TNFRSF11A: variants seen among roughly 807,000 people sequenced by gnomAD.
The protein encoded by TNFRSF11A is TNF receptor superfamily member 11a, also known as tumor necrosis factor receptor superfamily member 11A.
TNFRSF11A carries 32 observed loss-of-function variants against 55.7 expected under a neutral mutation model. The observed-to-expected ratio is 0.57, with a 90% CI of 0.43 to 0.77. TNFRSF11A has a LOEUF of 0.77. TNFRSF11A is among the 30% of genes least tolerant of loss of function. The pLI, the probability that TNFRSF11A is intolerant of heterozygous loss-of-function variation, is 0.00. For missense variants in TNFRSF11A, 753 were observed against 809.8 expected (o/e 0.93, Z 0.85); for synonymous variants, 311 against 331.0 (o/e 0.94, Z 0.65).
intron 3 of TNFRSF11A, 129 bp downstream of exon 3, chr18:62,350,066 A>C: frequency 7.8e-7 from 1 of 1,286,584 alleles, no homozygotes; most frequent in Non-Finnish European, 1.1e-6. Context: ...GTGACTACAC[A>C]TCCCAAGAAA....
chr18:62,348,366 A>G, intron 2 of TNFRSF11A, 117 bp downstream of exon 2: 1 of 843,260 alleles, frequency 1.2e-6, no homozygotes, highest in Non-Finnish European at 2.0e-6. Context: ...TGGTAGTGGC[A>G]GGTGGTAATG....
intron 1 of TNFRSF11A, among the ~76,000 whole-genome samples, chr18:62,333,389 G>A (rs867302263): frequency 3.3e-5 from 5 of 152,178 alleles, no homozygotes; most frequent in African/African-American, 1.2e-4. Context: ...TCTGACACAT[G>A]CTCAAGTTTG....
At chr18:62,335,125 C>T (rs79882996) in intron 1 of TNFRSF11A, among the ~76,000 whole-genome samples, 20,829 of 97,660 alleles carry the variant, frequency 0.21, 2,154 homozygotes, top group Middle Eastern at 0.35. Context: ...CCACTGGGGT[C>T]GGAATTTTTT....
chr18:62,370,835 CTT>C (rs10539841), intron 9 of TNFRSF11A, among the ~76,000 whole-genome samples: 43,589 of 142,828 alleles, frequency 0.31, 6,710 homozygotes, highest in Non-Finnish European at 0.34. Context: ...CTTTTCTTTT[CTT>C]TTTTTTTTTT....
Position 62,384,779 on chromosome 18 carries a change from G to A in TNFRSF11A, c.1596G>A (p.Thr532=), listed in dbSNP as rs773790927. 2.5e-6 allele frequency: 4 copies of A among 1,612,566 alleles called. No homozygotes were observed. The highest frequency in any genetic ancestry group is 1.7e-5 in the Admixed American group (1 of 59,858). ...ATGTGACTGGAAACAGTAACTCCAC[G>A]TTCATCTCCAGCGGGCAGGTGATGA... is the stretch of plus-strand genomic sequence containing the variant. The part of the protein sequence containing the change: ...SGNVTGNSNS[T]FISSGQVMNF... Residue 532 remains threonine (T), a synonymous_variant, in exon 10 of 10, where the codon ACG becomes ACA. Transcript: ENST00000586569.
At chr18:62,361,060 A>G (rs1725059964) in intron 6 of TNFRSF11A, among the ~76,000 whole-genome samples, 1 of 152,250 alleles carries the variant, frequency 6.6e-6, no homozygotes, top group Non-Finnish European at 1.5e-5. Flanking sequence ...AACATTAAAT[A>G]TAACTGAAGG....
Position 62,361,800 on chromosome 18 carries a change from T to G in TNFRSF11A, c.730+7T>G. 1 of 1,611,946 alleles carries G rather than the reference T, an allele frequency of 6.2e-7. No individual in the cohort carries two copies. The highest frequency in any genetic ancestry group is 8.5e-7 in the Non-Finnish European group (1 of 1,177,982). On this transcript the variant is annotated splice_region_variant and intron_variant, in intron 7 of 9. Transcript: ENST00000586569. Reference sequence around the variant, plus strand: ...AAAGGGAAAGCACTCACAGGTATTGTGTCTATGGTGGTTTTTGCAAACCAA... The same window carrying G: ...AAAGGGAAAGCACTCACAGGTATTGGGTCTATGGTGGTTTTTGCAAACCAA...
In TNFRSF11A at chr18:62,354,511, C is replaced by T; in HGVS notation, c.404C>T (p.Pro135Leu). ...ECCRRNTECA[P>L]GLGAQHPLQL... ...TGCCGCCGCAACACCGAGTGCGCGC[C>T]GGGCCTGGGCGCCCAGCACCCGTGT... is the stretch of plus-strand genomic sequence containing the variant. Residue 135 changes from proline to leucine, a missense_variant, in exon 4 of 10, where the codon CCG becomes CTG. This residue lies in a region of TNFRSF11A where 30 missense variants were observed against 58.0 expected (regional missense o/e 0.52). Coordinates refer to ENST00000586569, the MANE Select transcript of TNFRSF11A (RefSeq NM_003839.4). 6.2e-7 allele frequency: 1 copy of T among 1,602,644 alleles called. No individual in the cohort carries two copies.
intron 1 of TNFRSF11A, among the ~76,000 whole-genome samples, chr18:62,346,559 G>A (rs981197541): frequency 2.0e-5 from 3 of 152,198 alleles, no homozygotes; most frequent in African/African-American, 4.8e-5. Context: ...AGTGTTAGCA[G>A]GGCCCAGGAA....
In TNFRSF11A at chr18:62,325,466, C is replaced by T. The variant is rs951930761; in HGVS notation, c.75+39C>T. ...GCGCCTGCCGGGCCGCGCGGCCCGA[C>T]GCCTCCTCGGGAGCCCCGGGAAGGG... is the stretch of plus-strand genomic sequence containing the variant. On this transcript the variant is annotated intron_variant, in intron 1 of 9. Transcript: ENST00000586569. This position sits in a 1 kb window ranked among gnomAD's most constrained non-coding sequence, Gnocchi z 4.7. 6.6e-6 allele frequency: 8 copies of T among 1,218,312 alleles called. No individual in the cohort carries two copies. The highest frequency in any genetic ancestry group is 2.0e-5 in the South Asian group (1 of 48,874). 75.5% of individuals were successfully genotyped at this position (1,218,312 alleles called of 1,614,324 possible).
chr18:62,359,925 C>T (rs1382097749), intron 5 of TNFRSF11A, 30 bp from the exon 6 acceptor site: 1 of 1,596,616 alleles, frequency 6.3e-7, no homozygotes, highest in Non-Finnish European at 8.6e-7. Flanking sequence ...CTTATAAAAC[C>T]AAAGCACTGA....
chr18:62,348,226 G>C lies in TNFRSF11A; in HGVS notation c.134G>C (p.Arg45Pro). ...GAGAAGCATTATGAGCATCTGGGAC[G>C]GTGCTGTAACAAATGTGAACCAGGT... ...TSEKHYEHLG[R>P]CCNKCEPGKY... is the part of the protein sequence containing the mutation. The change falls in exon 2 of 10, where the codon CGG (arginine) becomes CCG (proline). Residue 45 changes from arginine to proline, a missense_variant. By Grantham distance (103) the Arg-to-Pro change is moderately radical. Coordinates refer to ENST00000586569, the MANE Select transcript of TNFRSF11A (RefSeq NM_003839.4). 1 of 1,614,112 alleles carries C rather than the reference G, an allele frequency of 6.2e-7. No homozygotes were observed. Among genetic ancestry groups the C allele is most frequent in the Admixed American group, 1.7e-5 (1 of 60,016 alleles).
intron 4 of TNFRSF11A, 196 bp from the exon 5 acceptor site, chr18:62,358,051 GA>G (rs1258786658): frequency 1.7e-6 from 1 of 600,102 alleles, no homozygotes; most frequent in East Asian, 2.9e-5. Context: ...GCTGGGGTCA[GA>G]ACTGCTCTGT....
chr18:62,368,419 T>G (rs1179845297), intron 8 of TNFRSF11A, among the ~76,000 whole-genome samples: 1 of 152,224 alleles, frequency 6.6e-6, no homozygotes, highest in South Asian at 2.1e-4. Flanking sequence ...GTCAGAATAC[T>G]GTGTTCAAAA....
Position 62,366,779 on chromosome 18 carries a change from G to A in TNFRSF11A, c.783+19G>A. 1 of 1,613,956 alleles carries A rather than the reference G, an allele frequency of 6.2e-7. No homozygotes were observed. The highest frequency in any genetic ancestry group is 8.5e-7 in the Non-Finnish European group (1 of 1,179,846). On this transcript the variant is annotated intron_variant, in intron 8 of 9. Coordinates refer to ENST00000586569, the MANE Select transcript of TNFRSF11A (RefSeq NM_003839.4). ...AGATAAGGTAGAGTGAACAGTTGTTGGTGCCTCTGTTAAGTACATTCAACA... is the reference window on the plus strand; with the variant it reads ...AGATAAGGTAGAGTGAACAGTTGTTAGTGCCTCTGTTAAGTACATTCAACA...
chr18:62,341,352 A>G (rs1477238703), intron 1 of TNFRSF11A, among the ~76,000 whole-genome samples: 1 of 152,254 alleles, frequency 6.6e-6, no homozygotes, highest in Non-Finnish European at 1.5e-5. Context: ...TTGTCCTGCT[A>G]AAATACTCTG....
intron 1 of TNFRSF11A, among the ~76,000 whole-genome samples, chr18:62,330,290 G>A (rs1019646972): frequency 2.6e-5 from 4 of 152,202 alleles, no homozygotes; most frequent in Admixed American, 2.6e-4. Flanking sequence ...ACCTGAAAGT[G>A]TCAGAGAGGA....
In TNFRSF11A at chr18:62,326,607, C is replaced by T. The variant is rs561091485; in HGVS notation, c.75+1180C>T. On this transcript the variant is annotated intron_variant, in intron 1 of 9. Transcript: ENST00000586569. The stretch of plus-strand genomic sequence containing the variant: ...CACCTAAGAAAAACCTGCCTGACCA[C>T]GCAGTTGCAAAATTATCTCTCACTG... Among the ~76,000 whole-genome samples, 6 of 152,318 alleles carry T rather than the reference C, an allele frequency of 3.9e-5. No homozygotes were observed. In the East Asian group the frequency reaches 1.2e-3, roughly 29 times the overall value.
chr18:62,353,476 A>G (rs1404836096), intron 3 of TNFRSF11A, among the ~76,000 whole-genome samples: 5 of 152,230 alleles, frequency 3.3e-5, no homozygotes, highest in African/African-American at 1.2e-4. Context: ...AGCTGAAACA[A>G]GAAGGCAGAG....
Sources: allele counts gnomAD v4.1 joint callset (sites outside exome capture counted in the v4.1 genomes callset), GRCh38; gene constraint gnomAD v4.1.1; regional missense constraint gnomAD v4.1.1; non-coding constraint Gnocchi (gnomAD v3.1); transcripts MANE v1.5; gene names NCBI Gene and HGNC (gene_info 2026-07-23, HGNC 2026-07-21).